The following CSMD1 variants were observed in gnomAD, a reference collection of about 807,000 sequenced individuals.
The protein encoded by CSMD1 is CUB and Sushi multiple domains 1.
CSMD1 carries 213 observed loss-of-function variants against 417.5 expected under a neutral mutation model. The observed-to-expected ratio is 0.51, with a 90% confidence interval of 0.46 to 0.57. CSMD1 has a LOEUF of 0.57. CSMD1 is among the 20% of genes least tolerant of loss of function. The probability of loss-of-function intolerance (pLI) is 0.00; values close to 1 mark genes in which losing one functional copy is unlikely to be tolerated. For synonymous variants in CSMD1, 2,862 were observed against 1,736.8 expected (o/e 1.65, Z -16.11); for missense variants, 6,923 against 4,529.7 (o/e 1.53, Z -15.17).
intron 3 of CSMD1, among the ~76,000 whole-genome samples, chr8:4,050,980 G>C (rs945983891): frequency 6.6e-6 from 1 of 152,068 alleles, no homozygotes; most frequent in Non-Finnish European, 1.5e-5. Context: ...GCAGATGGAG[G>C]AGGAGTGACA....
chr8:4,246,120 T>C (rs970407274), intron 3 of CSMD1, among the ~76,000 whole-genome samples: 1 of 152,178 alleles, frequency 6.6e-6, no homozygotes, highest in African/African-American at 2.4e-5. Context: ...GATTATTTGA[T>C]CACCCAGATA....
At chr8:4,811,365 G>C (rs1798894867) in intron 1 of CSMD1, among the ~76,000 whole-genome samples, 1 of 151,946 alleles carries the variant, frequency 6.6e-6, no homozygotes, top group African/African-American at 2.4e-5. Context: ...TTGGCCCCCT[G>C]TATTTTTAAC....
intron 6 of CSMD1, among the ~76,000 whole-genome samples, chr8:3,716,090 C>A (rs898473567): frequency 3.3e-5 from 5 of 152,240 alleles, no homozygotes; most frequent in Non-Finnish European, 4.4e-5. Context: ...CCACTTCCTC[C>A]TGAAAGCACT....
At chr8:4,172,447 G>C (rs889112740) in intron 3 of CSMD1, among the ~76,000 whole-genome samples, 6 of 151,982 alleles carry the variant, frequency 3.9e-5, no homozygotes, top group Non-Finnish European at 8.8e-5. Context: ...GGTTTCCCAG[G>C]TGTTGTGTTA....
chr8:3,787,831 C>G (rs915557791), intron 5 of CSMD1, among the ~76,000 whole-genome samples: 1 of 152,130 alleles, frequency 6.6e-6, no homozygotes, highest in African/African-American at 2.4e-5. Context: ...AATCAGTGTC[C>G]TATCTTGCAA....
At chr8:3,745,033 T>C (rs1198002381) in intron 6 of CSMD1, among the ~76,000 whole-genome samples, 1 of 152,190 alleles carries the variant, frequency 6.6e-6, no homozygotes, top group African/African-American at 2.4e-5. Flanking sequence ...AGTGAATATT[T>C]ATCATCTGAT....
intron 3 of CSMD1, among the ~76,000 whole-genome samples, chr8:4,082,560 A>G (rs1563100277): frequency 1.3e-5 from 2 of 152,004 alleles, no homozygotes; most frequent in African/African-American, 4.8e-5. Context: ...AAAATTACAG[A>G]CCCCGCTTCA....
rs1390693889 is a variant in CSMD1, at chr8:3,310,575, T to TA, written c.3632-2073dup. On this transcript the variant is annotated intron_variant, in intron 23 of 69. Transcript: ENST00000635120. ...CTGCTTATCCAATGTCATTGGAACA[T>TA]ACAATTGGAAATAACCATTAGGCAC... is the stretch of plus-strand genomic sequence containing the variant. 7.2e-5 allele frequency among the ~76,000 whole-genome samples: 11 copies of TA among 152,330 alleles called. No homozygotes were observed. In the East Asian group the frequency reaches 2.1e-3, roughly 29 times the overall value.
chr8:4,929,569 C>A (rs1181455907), intron 1 of CSMD1, among the ~76,000 whole-genome samples: 1 of 152,162 alleles, frequency 6.6e-6, no homozygotes, highest in Non-Finnish European at 1.5e-5. Context: ...AGGAAAAAAG[C>A]TAGTCTCAAG....
chr8:3,036,742 C>T (rs1373692345), intron 50 of CSMD1, among the ~76,000 whole-genome samples: 3 of 152,134 alleles, frequency 2.0e-5, no homozygotes, highest in African/African-American at 7.2e-5. Context: ...TTCATACCAT[C>T]GAATTTCAAC....
chr8:3,394,861 A>T (rs1470269587), intron 17 of CSMD1, among the ~76,000 whole-genome samples: 1 of 152,204 alleles, frequency 6.6e-6, no homozygotes, highest in Non-Finnish European at 1.5e-5. Flanking sequence ...GAAGAGTAAT[A>T]ACTGAATTAA....
chr8:3,355,019 C>G (rs1006624601), intron 21 of CSMD1, among the ~76,000 whole-genome samples: 8 of 119,332 alleles, frequency 6.7e-5, no homozygotes, highest in African/African-American at 1.1e-4. Flanking sequence ...AAAATACAGG[C>G]AAGATATTTT....
chr8:4,310,199 T>C (rs1037270288), intron 3 of CSMD1, among the ~76,000 whole-genome samples: 1 of 152,168 alleles, frequency 6.6e-6, no homozygotes, highest in Non-Finnish European at 1.5e-5. Flanking sequence ...GGTAATCTCC[T>C]TTCCATCTAG....
At chr8:3,241,654 T>G (rs1015329094) in intron 26 of CSMD1, among the ~76,000 whole-genome samples, 1 of 152,190 alleles carries the variant, frequency 6.6e-6, no homozygotes, top group African/African-American at 2.4e-5. Flanking sequence ...TTCCTTGGCC[T>G]GGTGGCCAGA....
At chr8:3,716,967 T>C (rs572978044) in intron 6 of CSMD1, among the ~76,000 whole-genome samples, 3 of 152,092 alleles carry the variant, frequency 2.0e-5, no homozygotes, top group African/African-American at 7.2e-5. Flanking sequence ...ACTCCTACAA[T>C]CATTTACAAA....
rs531650188 is a variant in CSMD1, at chr8:4,709,944, G to A, written c.86-72386C>T. 2.1e-3 allele frequency among the ~76,000 whole-genome samples: 322 copies of A among 152,276 alleles called. 1 individual carries two copies. Among genetic ancestry groups the A allele is most frequent in the African/African-American group, 7.5e-3 (312 of 41,560 alleles). On this transcript the variant is annotated intron_variant, in intron 1 of 69. Coordinates refer to ENST00000635120, the MANE Select transcript of CSMD1 (RefSeq NM_033225.6). ...ACTAGAAACCATAAGAAAAAACAGG[G>A]TCTTGGAAGAAAATATCAGGTCGAT...
At chr8:4,614,543 G>A (rs964366761) in intron 2 of CSMD1, among the ~76,000 whole-genome samples, 14 of 152,012 alleles carry the variant, frequency 9.2e-5, no homozygotes, top group South Asian at 2.1e-4. Context: ...TAGCACAAGC[G>A]GAAGTATCTA....
chr8:4,775,323 G>A (rs567331930), intron 1 of CSMD1, among the ~76,000 whole-genome samples: 2 of 152,150 alleles, frequency 1.3e-5, no homozygotes, highest in Non-Finnish European at 2.9e-5. Flanking sequence ...GTGATATGTA[G>A]CAGTGAATAG....
rs77951868 is a variant in CSMD1 at position 3,319,899 on chromosome 8, T to C, written c.3632-11396A>G. Among the ~76,000 whole-genome samples, 246 of 152,322 alleles carry C rather than the reference T, an allele frequency of 1.6e-3. 5 individuals are homozygous for C. The East Asian group carries it at 0.036, about 22-fold the overall frequency. ...TAGATGGGAATATCAAATTGATGAC[T>C]CATTAAAAAAACTTTTATTTTAATG... On this transcript the variant is annotated intron_variant, in intron 23 of 69. Coordinates refer to ENST00000635120, the MANE Select transcript of CSMD1 (RefSeq NM_033225.6).
Sources: allele counts gnomAD v4.1 joint callset (sites outside exome capture counted in the v4.1 genomes callset), GRCh38; gene constraint gnomAD v4.1.1; transcripts MANE v1.5; gene names NCBI Gene and HGNC (gene_info 2026-07-23, HGNC 2026-07-21).